The following FGF13 variants were observed in gnomAD, a reference collection of about 807,000 sequenced individuals.
FGF13 encodes the protein fibroblast growth factor homologous factor 2.
In FGF13, 2 loss-of-function variants were observed where a neutral mutation model predicts 19.5. That is an observed-to-expected ratio of 0.10 (90% CI 0.04 to 0.32). The LOEUF is 0.32. Ranked by LOEUF, FGF13 falls within the 10% of genes least tolerant of loss-of-function variation. The probability of loss-of-function intolerance (pLI) is 1.00; values close to 1 mark genes in which losing one functional copy is unlikely to be tolerated. For missense variants in FGF13, 113 were observed against 192.7 expected (o/e 0.59, Z 2.45); for synonymous variants, 72 against 76.9 (o/e 0.94, Z 0.33).
intron 3 of FGF13, among the ~76,000 whole-genome samples, chrX:138,698,730 G>T (rs919965381): frequency 1.4e-4 from 16 of 111,707 alleles, no homozygotes; most frequent in African/African-American, 5.2e-4. Flanking sequence ...AGGTAATTCT[G>T]ATGGGTACCT....
intron 1 of FGF13, among the ~76,000 whole-genome samples, chrX:138,896,220 C>T (rs1260067458): frequency 3.6e-5 from 4 of 109,653 alleles, no homozygotes. Context: ...TTAATCATTC[C>T]ACAATTTGTG....
intron 1 of FGF13, among the ~76,000 whole-genome samples, chrX:138,961,392 G>C (rs2091869176): frequency 9.0e-6 from 1 of 111,067 alleles, no homozygotes; most frequent in African/African-American, 3.3e-5. Context: ...TGGTAGCTTT[G>C]TCTCTGAGGG....
At chrX:138,906,316 T>C (rs945095047) in intron 1 of FGF13, among the ~76,000 whole-genome samples, 2 of 112,411 alleles carry the variant, frequency 1.8e-5, no homozygotes, top group Non-Finnish European at 3.8e-5. Context: ...GCAATAATTA[T>C]TAATTGCTCT....
intron 1 of FGF13, among the ~76,000 whole-genome samples, chrX:139,035,407 T>C (rs766038733): frequency 4.5e-5 from 5 of 111,531 alleles, no homozygotes; most frequent in Non-Finnish European, 7.5e-5. Context: ...ATTAAGTTCC[T>C]GAGAGTGGGG....
At chrX:138,956,204 T>C (rs113682475) in intron 1 of FGF13, among the ~76,000 whole-genome samples, 182 of 111,605 alleles carry the variant, frequency 1.6e-3, no homozygotes, top group African/African-American at 5.8e-3. Flanking sequence ...GATGGCACTT[T>C]GTCGAGGAAA....
intron 2 of FGF13, among the ~76,000 whole-genome samples, chrX:138,862,939 A>C (rs2091297096): frequency 1.8e-5 from 2 of 110,789 alleles, no homozygotes; most frequent in Non-Finnish European, 3.8e-5. Flanking sequence ...ATGAAATGCA[A>C]ACTCCCTACC....
At chrX:138,884,531 C>G (rs2091442477) in intron 1 of FGF13, among the ~76,000 whole-genome samples, 1 of 112,440 alleles carries the variant, frequency 8.9e-6, no homozygotes, top group Non-Finnish European at 1.9e-5. Context: ...AAATTTGTTA[C>G]TTGGTATTAT....
At chrX:138,797,818 G>A (rs947625177) in intron 3 of FGF13, among the ~76,000 whole-genome samples, 5 of 111,082 alleles carry the variant, frequency 4.5e-5, no homozygotes, top group South Asian at 7.6e-4. Context: ...TATTCTCTTT[G>A]TAACAATTGT....
chrX:138,775,234 C>T (rs964954342), intron 3 of FGF13, among the ~76,000 whole-genome samples: 4 of 112,497 alleles, frequency 3.6e-5, no homozygotes, highest in Admixed American at 2.8e-4. Context: ...GCTGGGATTA[C>T]AGGCATGAGT....
intron 3 of FGF13, among the ~76,000 whole-genome samples, chrX:138,701,581 G>A (rs2089946451): frequency 8.9e-6 from 1 of 112,495 alleles, no homozygotes; most frequent in African/African-American, 3.2e-5. Flanking sequence ...AAAACTGATA[G>A]TGACCAGGGT....
At chrX:138,910,786 A>G (rs2091583666) in intron 1 of FGF13, among the ~76,000 whole-genome samples, 1 of 112,424 alleles carries the variant, frequency 8.9e-6, no homozygotes, top group African/African-American at 3.2e-5. Context: ...CAGACATTAT[A>G]TTTAATGATT....
At chrX:139,144,789 G>C (rs1390610412) in intron 1 of FGF13, among the ~76,000 whole-genome samples, 1 of 110,462 alleles carries the variant, frequency 9.1e-6, no homozygotes, top group East Asian at 2.8e-4. Flanking sequence ...TGATTTCTTG[G>C]GGGAAAAAAA....
chrX:138,767,096 G>A (rs1477894296), intron 3 of FGF13, among the ~76,000 whole-genome samples: 2 of 111,284 alleles, frequency 1.8e-5, no homozygotes, highest in African/African-American at 6.5e-5. Flanking sequence ...GCGGCTTCAG[G>A]GGAATCTACG....
intron 1 of FGF13, among the ~76,000 whole-genome samples, chrX:139,193,223 T>C (rs1041341851): frequency 9.0e-6 from 1 of 111,139 alleles, no homozygotes; most frequent in African/African-American, 3.3e-5. Context: ...AGTATCATCA[T>C]TGACCAAATT....
chrX:139,185,239 T>C (rs12842254), intron 1 of FGF13, among the ~76,000 whole-genome samples: 24,388 of 111,420 alleles, frequency 0.22, 2,070 homozygotes, highest in Middle Eastern at 0.28. Flanking sequence ...ATGAAATCCA[T>C]AAAATTCTAC....
At chrX:139,024,599 CGTTGT>C (rs1385457554) in intron 1 of FGF13, among the ~76,000 whole-genome samples, 2 of 111,834 alleles carry the variant, frequency 1.8e-5, no homozygotes, top group Non-Finnish European at 3.8e-5. Context: ...TAAACATTCT[CGTTGT>C]GTGTTCTGGA....
intron 1 of FGF13, among the ~76,000 whole-genome samples, chrX:139,080,705 T>C (rs1173434439): frequency 3.6e-5 from 4 of 111,923 alleles, no homozygotes; most frequent in Non-Finnish European, 7.5e-5. Flanking sequence ...TCTATTCTCT[T>C]GGATAGTTAT....
intron 2 of FGF13, among the ~76,000 whole-genome samples, 193 bp from the exon 3 acceptor site, chrX:138,703,280 CAGAT>C (rs774923354): frequency 2.5e-3 from 275 of 111,866 alleles, no homozygotes; most frequent in African/African-American, 8.5e-3. Flanking sequence ...CCGAGGCAGA[CAGAT>C]AGGTCTCATT....
chrX:138,845,407 T>A (rs1362347804), intron 3 of FGF13, among the ~76,000 whole-genome samples: 3 of 111,949 alleles, frequency 2.7e-5, no homozygotes, highest in Middle Eastern at 4.6e-3. Context: ...TTAGAGCAAA[T>A]GGCCGTTGAA....
Sources: gnomAD v4.1 joint callset for allele counts (sites outside exome capture counted in the v4.1 genomes callset) on GRCh38, gnomAD v4.1.1 for gene constraint, MANE v1.5 for transcripts, NCBI Gene and HGNC (gene_info 2026-07-23, HGNC 2026-07-21) for gene names.